The following CRTAC1 variants were observed in gnomAD, a reference collection of about 807,000 sequenced individuals.
CRTAC1 encodes the protein cartilage acidic protein 1.
A neutral mutation model predicts 67.8 loss-of-function variants in CRTAC1; 37 were observed. The ratio of observed to expected loss-of-function variants is 0.55; its 90% CI spans 0.42 to 0.72. CRTAC1 has a LOEUF of 0.72. Among genes scored for constraint, CRTAC1 ranks in the 30% least tolerant of loss-of-function variants. The pLI, the probability that CRTAC1 is intolerant of heterozygous loss-of-function variation, is 0.00. For synonymous variants in CRTAC1, 348 were observed against 371.0 expected, an observed-to-expected ratio of 0.94 and a Z score of 0.71; for missense variants, 780 against 931.6, an observed-to-expected ratio of 0.84 and a Z score of 2.12.
intron 3 of CRTAC1, 97 bp from the exon 4 acceptor site, chr10:97,923,497 G>T: frequency 6.7e-7 from 1 of 1,486,764 alleles, no homozygotes; most frequent in Non-Finnish European, 9.3e-7. Flanking sequence ...CAAGGTGGTT[G>T]GGACCAGAGG....
chr10:97,879,616 A>T, intron 14 of CRTAC1: 11 of 1,516,348 alleles, frequency 7.3e-6, no homozygotes, highest in Non-Finnish European at 8.8e-6. Context: ...GACAAGCAGC[A>T]GGAGAGAGAT....
At chr10:98,022,363 A>G (rs1843142533) in intron 1 of CRTAC1, among the ~76,000 whole-genome samples, 1 of 151,982 alleles carries the variant, frequency 6.6e-6, no homozygotes, top group Non-Finnish European at 1.5e-5. Flanking sequence ...CTCAAAAAGA[A>G]AAAAAAAGAA....
At chr10:98,022,379 GA>G (rs1256460538) in intron 1 of CRTAC1, among the ~76,000 whole-genome samples, 1 of 151,314 alleles carries the variant, frequency 6.6e-6, no homozygotes, top group African/African-American at 2.4e-5. Flanking sequence ...AAGAAAGAAA[GA>G]AAGAAAAAAT....
chr10:97,965,615 T>G (rs1008505531), intron 2 of CRTAC1, among the ~76,000 whole-genome samples: 1 of 148,114 alleles, frequency 6.8e-6, no homozygotes, highest in Admixed American at 6.7e-5. Context: ...GGAGTTGTTG[T>G]TTTTTTTTTT....
At chr10:97,971,371 G>T (rs1461214900) in intron 2 of CRTAC1, among the ~76,000 whole-genome samples, 3 of 152,204 alleles carry the variant, frequency 2.0e-5, no homozygotes, top group African/African-American at 7.2e-5. Flanking sequence ...TGAGCCTTGA[G>T]GACATTATGC....
intron 2 of CRTAC1, among the ~76,000 whole-genome samples, chr10:97,948,442 G>C (rs948937649): frequency 6.6e-6 from 1 of 152,296 alleles, no homozygotes; most frequent in South Asian, 2.1e-4. Context: ...GACAAAAAGT[G>C]CTCTGAAAGT....
chr10:97,904,749 C>A lies in CRTAC1; in HGVS notation c.916G>T (p.Val306Leu). The stretch of plus-strand genomic sequence containing the variant: ...TTCCAGTTGCCATAGACGATGTCCA[C>A]TTTGCCATCACGGTTGAAGTCAGCC... The part of the protein sequence containing the change: ...ALADFNRDGK[V>L]DIVYGNWNGP... The change falls in exon 7 of 15, where the codon GTG (valine) becomes TTG (leucine). Residue 306 changes from valine (V) to leucine (L), a missense_variant. Val to Leu is a conservative substitution (Grantham distance 32). Coordinates refer to ENST00000370597, the MANE Select transcript of CRTAC1 (RefSeq NM_018058.7). 6.2e-7 allele frequency: 1 copy of A among 1,607,832 alleles called. No individual in the cohort carries two copies. The highest frequency in any genetic ancestry group is 1.1e-5 in the South Asian group (1 of 90,016).
At chr10:97,935,432 G>A (rs1004533340) in intron 3 of CRTAC1, among the ~76,000 whole-genome samples, 2 of 152,208 alleles carry the variant, frequency 1.3e-5, no homozygotes, top group African/African-American at 4.8e-5. Context: ...TACTCAAAGT[G>A]TGGTCCCTGA....
chr10:97,895,190 G>C lies in CRTAC1; in HGVS notation c.1486+55C>G. On this transcript the variant is annotated intron_variant, in intron 11 of 14. Coordinates refer to ENST00000370597, the MANE Select transcript of CRTAC1 (RefSeq NM_018058.7). This position sits in a 1 kb window ranked among gnomAD's most constrained non-coding sequence, Gnocchi z 4.2. ...AAGGATGCTCGGGCTGTGAGTCCCT[G>C]AATCAGTCAGCATCCTGATAACAGC... The C allele has an allele frequency of 6.4e-7, 1 of 1,555,472 alleles. No individual in the cohort carries two copies. Among genetic ancestry groups the C allele is most frequent in the Non-Finnish European group, 8.7e-7 (1 of 1,144,122 alleles).
In CRTAC1 at chr10:98,030,486, GC is replaced by G. The variant is rs1385472774; in HGVS notation, c.-15del. On this transcript the variant is annotated 5_prime_UTR_variant, in exon 1 of 15. Coordinates refer to ENST00000370597, the MANE Select transcript of CRTAC1 (RefSeq NM_018058.7). The surrounding 1 kb of genome is among the most constrained non-coding windows in gnomAD (Gnocchi z 4.2). ...GCTCGGAGCCATCCTCCCGCTCTCG[GC>G]CCCGCCGCCTAGGGGCGTGGGAAGC... 8.0e-7 allele frequency: 1 copy of G among 1,246,330 alleles called. No individual in the cohort carries two copies. Among genetic ancestry groups the G allele is most frequent in the Non-Finnish European group, 1.0e-6 (1 of 987,556 alleles). 77.2% of individuals were successfully genotyped at this position (1,246,330 alleles called of 1,614,324 possible). A position where few individuals can be genotyped will look rare whatever the true frequency, so the allele number is the denominator to read the frequency against.
chr10:97,931,092 A>C (rs2050997114), intron 3 of CRTAC1, among the ~76,000 whole-genome samples: 1 of 152,226 alleles, frequency 6.6e-6, no homozygotes, highest in African/African-American at 2.4e-5. Flanking sequence ...ATATATAAAA[A>C]TATTCTCAGT....
intron 11 of CRTAC1, among the ~76,000 whole-genome samples, chr10:97,894,867 T>C (rs11189424): frequency 0.18 from 26,306 of 148,952 alleles, 2,356 homozygotes; most frequent in Non-Finnish European, 0.2. Context: ...AAGCCTTCTG[T>C]CCAAGACTGA....
chr10:97,884,856 C>G (rs1392395214), intron 11 of CRTAC1, among the ~76,000 whole-genome samples: 5 of 152,268 alleles, frequency 3.3e-5, no homozygotes, highest in African/African-American at 1.2e-4. Context: ...CTACCCCTTA[C>G]CTGGTATGTT....
intron 2 of CRTAC1, among the ~76,000 whole-genome samples, chr10:98,005,411 A>T (rs1461719309): frequency 6.6e-6 from 1 of 151,630 alleles, no homozygotes; most frequent in African/African-American, 2.4e-5. Context: ...GGCCAAAAGT[A>T]AAATATATTT....
chr10:97,886,149 C>T (rs766091757), intron 11 of CRTAC1, among the ~76,000 whole-genome samples: 54 of 152,152 alleles, frequency 3.5e-4, no homozygotes, highest in Non-Finnish European at 7.2e-4. Context: ...GGAAGGGAGC[C>T]GGGTGCTGGG....
chr10:97,956,204 G>A (rs750083437), intron 2 of CRTAC1, among the ~76,000 whole-genome samples: 18 of 152,324 alleles, frequency 1.2e-4, no homozygotes, highest in Middle Eastern at 3.4e-3. Flanking sequence ...ATTTTAGAAC[G>A]CATCCTAATG....
chr10:97,991,096 C>A (rs1842442752), intron 2 of CRTAC1, among the ~76,000 whole-genome samples: 1 of 52,712 alleles, frequency 1.9e-5, no homozygotes, highest in Non-Finnish European at 3.1e-5. Flanking sequence ...GAAACCATCT[C>A]TACAAAAAAA....
At chr10:97,896,833 T>TGCCCCCCCCCC in intron 9 of CRTAC1, 76 bp downstream of exon 9, 1 of 450,864 alleles carries the variant, frequency 2.2e-6, no homozygotes, top group Non-Finnish European at 4.2e-6. Context: ...GGCTGCCCCG[T>TGCCCCCCCCCC]CCCTCCCGCC....
intron 2 of CRTAC1, among the ~76,000 whole-genome samples, chr10:97,987,371 C>G (rs2051998914): frequency 6.6e-6 from 1 of 152,174 alleles, no homozygotes; most frequent in Non-Finnish European, 1.5e-5. Flanking sequence ...TCCTTTAATT[C>G]ATAATTCTGA....
Sources: gnomAD v4.1 joint callset for allele counts (sites outside exome capture counted in the v4.1 genomes callset) on GRCh38, gnomAD v4.1.1 for gene constraint, Gnocchi (gnomAD v3.1) non-coding constraint, MANE v1.5 for transcripts, NCBI Gene and HGNC (gene_info 2026-07-23, HGNC 2026-07-21) for gene names.